GPAM: variants seen among roughly 807,000 people sequenced by gnomAD.
GPAM encodes glycerol-3-phosphate acyltransferase 1, mitochondrial.
Under a neutral mutation model 105.0 loss-of-function variants are expected in GPAM, and 56 were observed. That is an observed-to-expected ratio of 0.53 (90% CI 0.43 to 0.67). GPAM has a LOEUF of 0.67. Among genes scored for constraint, GPAM ranks in the 30% least tolerant of loss-of-function variants. The pLI, the probability that GPAM is intolerant of heterozygous loss-of-function variation, is 0.00. For missense variants in GPAM, 855 were observed against 989.8 expected (o/e 0.86, Z 1.83); for synonymous variants, 368 against 354.4 (o/e 1.04, Z -0.43).
At chr10:112,187,878 AAACCACT>A (rs1284707460), upstream of GPAM, among the ~76,000 whole-genome samples, 1 of 152,214 alleles carries the variant, frequency 6.6e-6, no homozygotes, top group East Asian at 1.9e-4. Flanking sequence ...TAGAAATTAG[AAACCACT>A]AACTTAAAGG....
chr10:112,203,196 C>T (rs1318630910), intron 1 of GPAM, among the ~76,000 whole-genome samples: 4 of 152,158 alleles, frequency 2.6e-5, no homozygotes. Context: ...TAGAAACCCC[C>T]TTCTCTGGGG....
At chr10:112,180,757 C>T (rs529763796) in intron 3 of GPAM, among the ~76,000 whole-genome samples, 162 bp from the exon 4 acceptor site, 1 of 152,250 alleles carries the variant, frequency 6.6e-6, no homozygotes, top group East Asian at 1.9e-4. Flanking sequence ...TGGATAAAAG[C>T]TTACCACATA....
rs1447123909 is a variant in GPAM at position 112,161,694 on chromosome 10, A to G, written c.1467T>C (p.Ala489=). The change falls in exon 15 of 22, where the codon GCT becomes GCC. Residue 489 remains alanine (A), a synonymous_variant. Coordinates refer to ENST00000348367, the MANE Select transcript of GPAM (RefSeq NM_001244949.2). ...GCCTGTGTCTGTAGAGGAGCAGGCA[A>G]GCCACAATGTGTGTGGACATAATGG... ...SCAIMSTHIV[A]CLLLYRHRQG... 3 of 1,613,946 alleles carry G rather than the reference A, an allele frequency of 1.9e-6. No homozygotes were observed. The East Asian group carries it at 6.7e-5, about 36-fold the overall frequency.
intron 1 of GPAM, among the ~76,000 whole-genome samples, chr10:112,210,311 C>G (rs1847897460): frequency 6.6e-6 from 1 of 152,192 alleles, no homozygotes; most frequent in African/African-American, 2.4e-5. Context: ...CTGTCCCTTT[C>G]TTAACATTCA....
At chr10:112,214,633 TG>T (rs1279422807) in intron 1 of GPAM, among the ~76,000 whole-genome samples, 2 of 152,132 alleles carry the variant, frequency 1.3e-5, no homozygotes, top group Non-Finnish European at 2.9e-5. Flanking sequence ...GATCTTAAAG[TG>T]GGAATCAAAC....
At position 112,180,547 on chromosome 10, in the gene GPAM, A is replaced by C; in HGVS notation, c.151T>G (p.Trp51Gly). The C allele has an allele frequency of 6.2e-7, 1 of 1,612,690 alleles. No individual in the cohort carries two copies. Among genetic ancestry groups the C allele is most frequent in the Non-Finnish European group, 8.5e-7 (1 of 1,178,720 alleles). ...PTIFRSATLK[W>G]KESLMSRKRP... Reference sequence around the variant, plus strand: ...TTCCGACTCATTAGGCTTTCTTTCCATTTTAAAGTTGCAGATCTGAAGATG... The same window carrying C: ...TTCCGACTCATTAGGCTTTCTTTCCCTTTTAAAGTTGCAGATCTGAAGATG... The change falls in exon 4 of 22, where the codon TGG (tryptophan) becomes GGG (glycine). Residue 51 changes from tryptophan (W) to glycine (G), a missense_variant. Trp to Gly is a radical substitution (Grantham distance 184, BLOSUM62 -2). Coordinates refer to ENST00000348367, the MANE Select transcript of GPAM (RefSeq NM_001244949.2).
chr10:112,213,183 A>G (rs1277073974), intron 1 of GPAM, among the ~76,000 whole-genome samples: 1 of 152,200 alleles, frequency 6.6e-6, no homozygotes, highest in East Asian at 1.9e-4. Flanking sequence ...TCAGCCTGCT[A>G]TCATTCATTC....
upstream of GPAM, among the ~76,000 whole-genome samples, chr10:112,217,066 A>G (rs1049827646): frequency 1.3e-5 from 2 of 152,236 alleles, no homozygotes; most frequent in African/African-American, 4.8e-5. Context: ...GATTTCAAAT[A>G]CAGACATAGA....
At chr10:112,202,494 G>C (rs755598674) in intron 1 of GPAM, among the ~76,000 whole-genome samples, 2 of 152,122 alleles carry the variant, frequency 1.3e-5, no homozygotes, top group Non-Finnish European at 2.9e-5. Context: ...AGGCAAAATA[G>C]GAAATTGAGT....
intron 10 of GPAM, 98 bp from the exon 11 acceptor site, chr10:112,168,622 A>G (rs180933737): frequency 9.5e-6 from 8 of 841,582 alleles, no homozygotes; most frequent in East Asian, 5.1e-5. Context: ...AGAAAAAACG[A>G]TAACTTCACT....
chr10:112,210,979 A>G (rs868150851), intron 1 of GPAM, among the ~76,000 whole-genome samples: 1 of 152,314 alleles, frequency 6.6e-6, no homozygotes, highest in East Asian at 1.9e-4. Flanking sequence ...CTCACCATCC[A>G]AAGAATCCCA....
intron 11 of GPAM, among the ~76,000 whole-genome samples, chr10:112,167,884 T>C (rs925060326): frequency 1.3e-5 from 2 of 152,254 alleles, no homozygotes; most frequent in African/African-American, 4.8e-5. Flanking sequence ...AAGTCATTGC[T>C]ACCTCTCAAA....
chr10:112,215,542 T>C (rs891362359), upstream of GPAM, among the ~76,000 whole-genome samples: 11 of 152,194 alleles, frequency 7.2e-5, no homozygotes, highest in Non-Finnish European at 2.9e-5. Context: ...TCAGGGCTTG[T>C]TACAATTTAA....
chr10:112,193,083 C>G (rs908853979), intron 1 of GPAM, among the ~76,000 whole-genome samples: 1 of 152,186 alleles, frequency 6.6e-6, no homozygotes, highest in Non-Finnish European at 1.5e-5. Context: ...AAAAACGAAC[C>G]CCTTCCAGAC....
At position 112,153,074 on chromosome 10, in the gene GPAM, A is replaced by C. The variant is rs746574919; in HGVS notation, c.*476T>G. 42 of 985,980 alleles carry C rather than the reference A, an allele frequency of 4.3e-5. No individual in the cohort carries two copies. The highest frequency in any genetic ancestry group is 5.1e-5 in the Non-Finnish European group (42 of 821,898). 61.1% of individuals were successfully genotyped at this position (985,980 alleles called of 1,614,324 possible). ...AATGTAGCTACTATTGACAGATAAA[A>C]CTGAAAAAGAGTGAATGGATGACTC... On this transcript the variant is annotated 3_prime_UTR_variant, in exon 22 of 22. Coordinates refer to ENST00000348367, the MANE Select transcript of GPAM (RefSeq NM_001244949.2).
chr10:112,152,081 G>A lies in GPAM; in HGVS notation c.*1469C>T, dbSNP rs939237724. The A allele has an allele frequency of 2.0e-6, 2 of 982,368 alleles. No individual in the cohort carries two copies. The highest frequency in any genetic ancestry group is 6.2e-5 in the Admixed American group (1 of 16,258). The allele number at this position is 982,368 out of a possible 1,614,324, so 60.9% of individuals were successfully genotyped here. On this transcript the variant is annotated 3_prime_UTR_variant, in exon 22 of 22. Transcript: ENST00000348367. ...CTCTCCCAAAACACACATTACTCAT[G>A]AGATACTATCAGTGTTTAAAATCCA...
Position 112,156,129 on chromosome 10 carries a change from T to C in GPAM, c.2122-76A>G, listed in dbSNP as rs539621699. 29 of 999,540 alleles carry C rather than the reference T, an allele frequency of 2.9e-5. No homozygotes were observed. The Admixed American group carries it at 3.9e-4, about 13-fold the overall frequency. The allele number at this position is 999,540 out of a possible 1,614,324, so 61.9% of individuals were successfully genotyped here. ...CAAGGCAAGTGGACAGAGGACTTTC[T>C]CTGGAGAGCCAGTAACGTGAGAAGA... On this transcript the variant is annotated intron_variant, in intron 19 of 21. Transcript: ENST00000348367.
upstream of GPAM, among the ~76,000 whole-genome samples, chr10:112,187,526 A>T (rs562120388): frequency 2.0e-5 from 3 of 152,214 alleles, no homozygotes; most frequent in Non-Finnish European, 4.4e-5. Context: ...CTACATATTT[A>T]TTCCTCTAAT....
intron 18 of GPAM, 39 bp from the exon 19 acceptor site, chr10:112,157,428 C>T (rs761441948): frequency 5.5e-5 from 88 of 1,602,482 alleles, no homozygotes; most frequent in Non-Finnish European, 7.4e-5. Context: ...TAAATATGCA[C>T]TGGCACACAA....
Sources: gnomAD v4.1 joint callset for allele counts (sites outside exome capture counted in the v4.1 genomes callset) on GRCh38, gnomAD v4.1.1 for gene constraint, MANE v1.5 for transcripts, NCBI Gene and HGNC (gene_info 2026-07-23, HGNC 2026-07-21) for gene names.